SLC25A26: variants seen among roughly 807,000 people sequenced by gnomAD.
The protein encoded by SLC25A26 is mitochondrial S-adenosylmethionine carrier protein.
SLC25A26 carries 36 observed loss-of-function variants against 37.8 expected under a neutral mutation model. The ratio of observed to expected loss-of-function variants is 0.95; its 90% CI spans 0.73 to 1.26. The LOEUF (loss-of-function observed/expected upper bound fraction) is 1.26. Ranked by LOEUF, SLC25A26 falls within the 50% of genes most tolerant of loss-of-function variation. The probability of loss-of-function intolerance (pLI) is 0.00; values close to 1 mark genes in which losing one functional copy is unlikely to be tolerated. For missense variants in SLC25A26, 390 were observed against 331.1 expected (o/e 1.18, Z -1.38); for synonymous variants, 129 against 122.5 (o/e 1.05, Z -0.35).
chr3:66,145,327 C>G (rs1228254152), intron 1 of SLC25A26, among the ~76,000 whole-genome samples: 1 of 152,198 alleles, frequency 6.6e-6, no homozygotes, highest in Non-Finnish European at 1.5e-5. Flanking sequence ...TCCTAGATCA[C>G]TCTGAATAAC....
intron 5 of SLC25A26, among the ~76,000 whole-genome samples, chr3:66,327,913 A>C (rs981947026): frequency 6.6e-6 from 1 of 151,644 alleles, no homozygotes; most frequent in African/African-American, 2.4e-5. Context: ...TTTAATGAAG[A>C]TACAAAAAAT....
intron 5 of SLC25A26, among the ~76,000 whole-genome samples, chr3:66,282,506 C>G (rs1240056365): frequency 6.6e-6 from 1 of 152,172 alleles, no homozygotes; most frequent in Non-Finnish European, 1.5e-5. Context: ...TTACCTTGTA[C>G]TCTCCCTGCC....
intron 7 of SLC25A26, among the ~76,000 whole-genome samples, chr3:66,367,778 C>T (rs1486680453): frequency 6.6e-6 from 1 of 151,714 alleles, no homozygotes; most frequent in Non-Finnish European, 1.5e-5. Flanking sequence ...AGTATATTTA[C>T]TTTTCCAGGG....
intron 1 of SLC25A26, among the ~76,000 whole-genome samples, chr3:66,205,713 G>A (rs2071167673): frequency 6.6e-6 from 1 of 152,160 alleles, no homozygotes; most frequent in African/African-American, 2.4e-5. Context: ...AGTGGAGGCA[G>A]CCCCTTGACC....
chr3:66,361,168 G>C (rs2076699217), intron 6 of SLC25A26, among the ~76,000 whole-genome samples: 1 of 152,166 alleles, frequency 6.6e-6, no homozygotes, highest in Admixed American at 6.5e-5. Flanking sequence ...CCAGTCACTG[G>C]AACAACTGAA....
intron 9 of SLC25A26, 70 bp from the exon 10 acceptor site, chr3:66,377,620 G>A (rs536742060): frequency 6.5e-6 from 8 of 1,233,932 alleles, no homozygotes; most frequent in Non-Finnish European, 9.5e-6. Flanking sequence ...AGCTGAGCAA[G>A]CTGTGGGTAT....
At chr3:66,199,581 C>T (rs2071084832) in intron 1 of SLC25A26, among the ~76,000 whole-genome samples, 1 of 152,066 alleles carries the variant, frequency 6.6e-6, no homozygotes. Flanking sequence ...GTACACTGGC[C>T]TTCATCTTGA....
At chr3:66,239,840 T>TTA (rs1553666447) in intron 2 of SLC25A26, among the ~76,000 whole-genome samples, 144 of 138,342 alleles carry the variant, frequency 1.0e-3, no homozygotes, top group Middle Eastern at 7.2e-3. Flanking sequence ...TTTTTTTTTT[T>TTA]AACAGTGGAT....
At chr3:66,235,821 A>G (rs906595424) in intron 1 of SLC25A26, among the ~76,000 whole-genome samples, 1 of 152,224 alleles carries the variant, frequency 6.6e-6, no homozygotes, top group African/African-American at 2.4e-5. Context: ...CAAGAAACCA[A>G]TAAAAGTGGT....
At chr3:66,233,052 G>A (rs2072107951) in intron 1 of SLC25A26, among the ~76,000 whole-genome samples, 1 of 152,228 alleles carries the variant, frequency 6.6e-6, no homozygotes, top group African/African-American at 2.4e-5. Flanking sequence ...TGTTATGGCT[G>A]GCTCTTCTTA....
At chr3:66,148,970 T>C (rs1486275768) in intron 1 of SLC25A26, among the ~76,000 whole-genome samples, 1 of 152,164 alleles carries the variant, frequency 6.6e-6, no homozygotes, top group Admixed American at 6.5e-5. Context: ...CATCTGTTAG[T>C]TTTTAAAAAT....
intron 4 of SLC25A26, 55 bp from the exon 5 acceptor site, chr3:66,263,277 T>C (rs1260802228): frequency 7.6e-7 from 1 of 1,314,506 alleles, no homozygotes; most frequent in Non-Finnish European, 1.1e-6. Context: ...ATACAGAATG[T>C]CCTTCAGAAA....
intron 1 of SLC25A26, among the ~76,000 whole-genome samples, chr3:66,232,001 G>A (rs936412443): frequency 2.6e-5 from 4 of 152,044 alleles, no homozygotes; most frequent in Admixed American, 6.6e-5. Context: ...TACTTAACAG[G>A]GCCCCAGTGG....
intron 1 of SLC25A26, among the ~76,000 whole-genome samples, chr3:66,182,625 A>G (rs879343766): frequency 2.0e-5 from 3 of 149,998 alleles, no homozygotes; most frequent in Non-Finnish European, 4.4e-5. Flanking sequence ...TATTTTACAG[A>G]TGAGGCAACA....
chr3:66,302,128 T>C (rs2075093470), intron 5 of SLC25A26, among the ~76,000 whole-genome samples: 1 of 152,224 alleles, frequency 6.6e-6, no homozygotes, highest in Non-Finnish European at 1.5e-5. Context: ...ATCCCCAGTG[T>C]CTCTAATACT....
At chr3:66,321,858 A>C (rs572663817) in intron 5 of SLC25A26, among the ~76,000 whole-genome samples, 2 of 152,014 alleles carry the variant, frequency 1.3e-5, no homozygotes, top group South Asian at 4.2e-4. Flanking sequence ...ACAGAATACC[A>C]CAGACTGGGT....
At chr3:66,142,316 G>T (rs772808708) in intron 1 of SLC25A26, among the ~76,000 whole-genome samples, 1 of 152,206 alleles carries the variant, frequency 6.6e-6, no homozygotes, top group Non-Finnish European at 1.5e-5. Flanking sequence ...ATCAGTATCA[G>T]TACTTCATTC....
intron 9 of SLC25A26, among the ~76,000 whole-genome samples, chr3:66,376,388 A>G (rs531871308): frequency 6.6e-4 from 101 of 152,296 alleles, no homozygotes; most frequent in Non-Finnish European, 9.1e-4. Flanking sequence ...GAGTCCATCA[A>G]TGCAACAATT....
intron 6 of SLC25A26, among the ~76,000 whole-genome samples, chr3:66,355,700 A>G (rs2076558919): frequency 6.6e-6 from 1 of 152,236 alleles, no homozygotes; most frequent in Non-Finnish European, 1.5e-5. Context: ...ATAAAATTAT[A>G]GGCAGCTGTT....
Sources: gnomAD v4.1 joint callset for allele counts (sites outside exome capture counted in the v4.1 genomes callset) on GRCh38, gnomAD v4.1.1 for gene constraint, MANE v1.5 for transcripts, NCBI Gene and HGNC (gene_info 2026-07-23, HGNC 2026-07-21) for gene names.